USP34: variants seen among roughly 807,000 people sequenced by gnomAD.
The protein encoded by USP34 is ubiquitin carboxyl-terminal hydrolase 34.
USP34 carries 70 observed loss-of-function variants against 460.3 expected under a neutral mutation model. The observed-to-expected ratio is 0.15, with a 90% CI of 0.13 to 0.19. The LOEUF is 0.19. USP34 is among the 10% of genes least tolerant of loss of function. USP34 has a pLI of 1.00. For missense variants in USP34, 3,985 were observed against 4,236.2 expected, an observed-to-expected ratio of 0.94 and a Z score of 1.65; for synonymous variants, 1,647 against 1,405.3, an observed-to-expected ratio of 1.17 and a Z score of -3.85.
intron 75 of USP34, among the ~76,000 whole-genome samples, chr2:61,197,863 G>C (rs544338668): frequency 6.6e-6 from 1 of 152,180 alleles, no homozygotes; most frequent in East Asian, 1.9e-4. Flanking sequence ...AGGTTCAAAC[G>C]GTTCTCCTGC....
intron 1 of USP34, among the ~76,000 whole-genome samples, chr2:61,465,697 G>T (rs1695740458): frequency 6.6e-6 from 1 of 152,132 alleles, no homozygotes; most frequent in South Asian, 2.1e-4. Flanking sequence ...CAAAAACACG[G>T]CTAGGCACGG....
At chr2:61,348,908 T>C (rs566147504) in intron 13 of USP34, 22 bp from the exon 14 acceptor site, 2 of 1,585,482 alleles carry the variant, frequency 1.3e-6, no homozygotes, top group South Asian at 1.2e-5. Context: ...ACATTTTTTG[T>C]TTTTACTTCT....
At chr2:61,469,748 G>A (rs1175473845) in intron 1 of USP34, among the ~76,000 whole-genome samples, 1 of 152,162 alleles carries the variant, frequency 6.6e-6, no homozygotes, top group Non-Finnish European at 1.5e-5. Context: ...TCAACTTTTT[G>A]TAAATTGATC....
chr2:61,221,413 G>T (rs1164126041), intron 66 of USP34, 89 bp downstream of exon 66: 47 of 1,209,980 alleles, frequency 3.9e-5, no homozygotes, highest in Non-Finnish European at 5.1e-5. Context: ...GGGGTAATAA[G>T]AAACTGGTAC....
chr2:61,258,006 T>A (rs935417326), intron 44 of USP34, among the ~76,000 whole-genome samples: 13 of 152,222 alleles, frequency 8.5e-5, no homozygotes, highest in Admixed American at 1.3e-4. Context: ...AAATAGTCAT[T>A]TAAACCAGCA....
intron 1 of USP34, among the ~76,000 whole-genome samples, chr2:61,426,237 G>C (rs1160754888): frequency 6.6e-6 from 1 of 152,222 alleles, no homozygotes; most frequent in Non-Finnish European, 1.5e-5. Flanking sequence ...AGAGAACTTT[G>C]TCTTACAGCT....
chr2:61,343,672 A>G, intron 16 of USP34, 143 bp downstream of exon 16: 1 of 794,086 alleles, frequency 1.3e-6, no homozygotes, highest in Non-Finnish European at 1.9e-6. Flanking sequence ...CCTTGGGGGA[A>G]AAAAAAAAAC....
rs1156974641 is a variant in USP34 at position 61,188,993 on chromosome 2, T to C, written c.9950A>G (p.Gln3317Arg). The C allele has an allele frequency of 1.2e-6, 2 of 1,614,100 alleles. No homozygotes were observed. The highest frequency in any genetic ancestry group is 2.7e-5 in the African/African-American group (2 of 74,930). Residue 3317 changes from glutamine (Q) to arginine (R), a missense_variant, in exon 79 of 80, where the codon CAA becomes CGA. By Grantham distance (43) the Gln-to-Arg change is conservative. This residue lies in a region of USP34 where 506 missense variants were observed against 439.0 expected (regional missense o/e 1.15). Coordinates refer to ENST00000398571, the MANE Select transcript of USP34 (RefSeq NM_014709.4). The part of the protein sequence containing the change: ...QLNPALIPTL[Q>R]ELLSKCRTCL... ...AGTCCTGCATTTGCTTAAAAGCTCT[T>C]GCAGAGTTGGAATTAGAGCTGGGTT... is the stretch of plus-strand genomic sequence containing the variant.
chr2:61,192,771 C>A, intron 76 of USP34, 130 bp downstream of exon 76: 1 of 627,130 alleles, frequency 1.6e-6, no homozygotes. Flanking sequence ...TTCATTCATT[C>A]ATATGTTACC....
chr2:61,260,422 A>G (rs1688844254), intron 43 of USP34, among the ~76,000 whole-genome samples: 1 of 152,218 alleles, frequency 6.6e-6, no homozygotes, highest in Non-Finnish European at 1.5e-5. Flanking sequence ...TAAAGTAGGT[A>G]TTATTCTTAT....
At chr2:61,461,959 G>A (rs1403120121) in intron 1 of USP34, among the ~76,000 whole-genome samples, 1 of 152,078 alleles carries the variant, frequency 6.6e-6, no homozygotes, top group Non-Finnish European at 1.5e-5. Flanking sequence ...CATGTTTTCA[G>A]CCAGACGCGG....
intron 29 of USP34, 125 bp downstream of exon 29, chr2:61,300,826 A>C (rs1247818370): frequency 2.1e-5 from 14 of 678,638 alleles, no homozygotes; most frequent in Non-Finnish European, 3.1e-5. Flanking sequence ...AAATGAACAA[A>C]AAAAAAAAAG....
intron 19 of USP34, 38 bp from the exon 20 acceptor site, chr2:61,331,409 C>T: frequency 1.9e-6 from 3 of 1,555,262 alleles, no homozygotes; most frequent in Admixed American, 1.8e-5. Flanking sequence ...TTAAAGTGGG[C>T]AGGGTAAGAG....
At chr2:61,362,850 T>C (rs1248560077) in intron 10 of USP34, among the ~76,000 whole-genome samples, 1 of 152,226 alleles carries the variant, frequency 6.6e-6, no homozygotes, top group Non-Finnish European at 1.5e-5. Context: ...CATCAAGTTG[T>C]ACACCTTAAA....
intron 68 of USP34, among the ~76,000 whole-genome samples, chr2:61,212,694 CTT>C (rs1687303311): frequency 6.6e-6 from 1 of 152,128 alleles, no homozygotes; most frequent in South Asian, 2.1e-4. Flanking sequence ...AAAAAACTGA[CTT>C]AAGTACCATT....
At chr2:61,428,260 G>C (rs1312546576) in intron 1 of USP34, among the ~76,000 whole-genome samples, 2 of 135,304 alleles carry the variant, frequency 1.5e-5, no homozygotes, top group East Asian at 4.3e-4. Context: ...AAAAAAAAAA[G>C]TGATCACCTT....
At position 61,311,607 on chromosome 2, in the gene USP34, T is replaced by G. The variant is rs1031012054; in HGVS notation, c.3750A>C (p.Lys1250Asn). The stretch of plus-strand genomic sequence containing the variant: ...GCTGAGCTTGTTGATTTATTTGTTC[T>G]TTCTGTAAATTTTCATACCAATGAG... ...EVTHWYENLQ[K>N]EQINQQAQLQ... is the part of the protein sequence containing the mutation. Residue 1250 changes from lysine to asparagine, a missense_variant, in exon 27 of 80, where the codon AAA (lysine) becomes AAC (asparagine). Lys to Asn is a moderately conservative substitution (Grantham distance 94). This residue lies in a region of USP34 where 1,114 missense variants were observed against 1,122.5 expected (regional missense o/e 0.99). Coordinates refer to ENST00000398571, the MANE Select transcript of USP34 (RefSeq NM_014709.4). 4 of 1,613,630 alleles carry G rather than the reference T, an allele frequency of 2.5e-6. No homozygotes were observed. The highest frequency in any genetic ancestry group is 3.4e-6 in the Non-Finnish European group (4 of 1,179,896).
chr2:61,192,259 A>G (rs1210517999), intron 76 of USP34, among the ~76,000 whole-genome samples: 1 of 152,238 alleles, frequency 6.6e-6, no homozygotes, highest in Admixed American at 6.5e-5. Flanking sequence ...ACTGAAAGGT[A>G]GTGGGGATCC....
At chr2:61,248,312 G>A (rs950781836) in intron 49 of USP34, among the ~76,000 whole-genome samples, 199 bp downstream of exon 49, 10 of 151,650 alleles carry the variant, frequency 6.6e-5, no homozygotes, top group African/African-American at 2.2e-4. Context: ...GTATACAGAA[G>A]AGTGCCTAGG....
Sources: allele counts gnomAD v4.1 joint callset (sites outside exome capture counted in the v4.1 genomes callset), GRCh38; gene constraint gnomAD v4.1.1; regional missense constraint gnomAD v4.1.1; transcripts MANE v1.5; gene names NCBI Gene and HGNC (gene_info 2026-07-23, HGNC 2026-07-21).